Variants in ESRRG observed in about 807,000 individuals in gnomAD.
ESRRG encodes the protein estrogen related receptor gamma.
A neutral mutation model predicts 44.0 loss-of-function variants in ESRRG; 13 were observed. The ratio of observed to expected loss-of-function variants is 0.30; its 90% confidence interval spans 0.19 to 0.47. The LOEUF (loss-of-function observed/expected upper bound fraction) is 0.47, where lower values mean the gene tolerates loss of function less well. ESRRG is among the 20% of genes least tolerant of loss of function. The pLI is 1.00. For missense variants in ESRRG, 395 were observed against 580.6 expected, an observed-to-expected ratio of 0.68 and a Z score of 3.29; for synonymous variants, 215 against 214.6, an observed-to-expected ratio of 1.00 and a Z score of -0.02.
chr1:217,127,990 A>T (rs1344400714), intron 1 of ESRRG, among the ~76,000 whole-genome samples: 1 of 152,218 alleles, frequency 6.6e-6, no homozygotes, highest in Non-Finnish European at 1.5e-5. Flanking sequence ...GGGATCCCTC[A>T]GATGTTTTCA....
At chr1:217,050,868 T>C (rs11585949) in intron 1 of ESRRG, among the ~76,000 whole-genome samples, 17,635 of 152,060 alleles carry the variant, frequency 0.12, 1,202 homozygotes, top group Non-Finnish European at 0.14. Context: ...TTAGAAGACC[T>C]TTCTAGGGCT....
intron 1 of ESRRG, among the ~76,000 whole-genome samples, chr1:216,989,864 A>G (rs1275107114): frequency 1.3e-5 from 2 of 152,108 alleles, no homozygotes; most frequent in Admixed American, 6.6e-5. Flanking sequence ...AGTTGTTGGT[A>G]TGTTTCAATG....
intron 2 of ESRRG, among the ~76,000 whole-genome samples, chr1:216,789,853 T>A (rs2094257165): frequency 6.6e-6 from 1 of 152,160 alleles, no homozygotes; most frequent in Non-Finnish European, 1.5e-5. Context: ...TTCCAGCTCT[T>A]TGGCAGGCAC....
At chr1:216,988,323 C>T (rs2075191181) in intron 1 of ESRRG, among the ~76,000 whole-genome samples, 1 of 152,144 alleles carries the variant, frequency 6.6e-6, no homozygotes. Flanking sequence ...TTAGGTATTC[C>T]ATTATCACTG....
intron 3 of ESRRG, among the ~76,000 whole-genome samples, chr1:216,649,162 T>G (rs1293156309): frequency 6.6e-6 from 1 of 152,138 alleles, no homozygotes. Flanking sequence ...TCTGGCAATT[T>G]CACATAAGTT....
intron 1 of ESRRG, among the ~76,000 whole-genome samples, chr1:217,053,666 G>A (rs1289454280): frequency 6.6e-6 from 1 of 152,122 alleles, no homozygotes; most frequent in African/African-American, 2.4e-5. Context: ...TAATTTGCAT[G>A]GCATGACAAA....
At chr1:216,694,904 A>G (rs1375682755) in intron 1 of ESRRG, among the ~76,000 whole-genome samples, 1 of 152,086 alleles carries the variant, frequency 6.6e-6, no homozygotes, top group Non-Finnish European at 1.5e-5. Context: ...AGCATTTTCC[A>G]TGTATTCACT....
At chr1:217,116,864 G>T (rs183443176) in intron 1 of ESRRG, among the ~76,000 whole-genome samples, 33 of 152,294 alleles carry the variant, frequency 2.2e-4, no homozygotes, top group African/African-American at 7.7e-4. Context: ...TTAAAGGATT[G>T]AGGATAAATT....
At position 216,978,233 on chromosome 1, in the gene ESRRG, A is replaced by T. The variant is rs11572462; in HGVS notation, c.-105-38560T>A. ...CCCACCCTCCAATGCCTACCTTTTT[A>T]AAAAAAAGTTTTATTGGGACACAGC... On this transcript the variant is annotated intron_variant, in intron 1 of 7. Coordinates refer to the ESRRG transcript ENST00000359162. 3.5e-3 allele frequency among the ~76,000 whole-genome samples: 529 copies of T among 152,020 alleles called. 3 individuals carry two copies. Among genetic ancestry groups the T allele is most frequent in the Admixed American group, 0.025 (376 of 15,276 alleles).
At chr1:216,613,006 C>T (rs975561748) in intron 3 of ESRRG, among the ~76,000 whole-genome samples, 1 of 152,130 alleles carries the variant, frequency 6.6e-6, no homozygotes, top group Non-Finnish European at 1.5e-5. Context: ...AAATTTTCAG[C>T]TTTTCGAATT....
intron 1 of ESRRG, among the ~76,000 whole-genome samples, chr1:216,685,494 G>A (rs1447555284): frequency 6.6e-6 from 1 of 152,174 alleles, no homozygotes; most frequent in African/African-American, 2.4e-5. Flanking sequence ...GCACACCAAA[G>A]AGAACTCGAC....
At chr1:217,083,207 C>T (rs1251320418) in intron 1 of ESRRG, among the ~76,000 whole-genome samples, 1 of 152,050 alleles carries the variant, frequency 6.6e-6, no homozygotes, top group African/African-American at 2.4e-5. Flanking sequence ...TTCTGCAAGA[C>T]CAAAAAAACA....
intron 2 of ESRRG, among the ~76,000 whole-genome samples, chr1:216,733,102 T>G (rs2089197669): frequency 6.6e-6 from 1 of 152,102 alleles, no homozygotes; most frequent in African/African-American, 2.4e-5. Flanking sequence ...AACTACCATA[T>G]TTGCTTACAG....
chr1:216,926,418 A>G (rs2062588593), intron 2 of ESRRG, among the ~76,000 whole-genome samples: 1 of 152,126 alleles, frequency 6.6e-6, no homozygotes, highest in Non-Finnish European at 1.5e-5. Context: ...CTATGAAAAA[A>G]AAAAAAAAAA....
chr1:216,662,422 A>G (rs1440195720), intron 2 of ESRRG, among the ~76,000 whole-genome samples: 2 of 152,186 alleles, frequency 1.3e-5, no homozygotes, highest in African/African-American at 2.4e-5. Flanking sequence ...CAGGGAACTC[A>G]GATAGCACTG....
At chr1:216,810,906 C>T (rs2094949947) in intron 2 of ESRRG, among the ~76,000 whole-genome samples, 2 of 150,824 alleles carry the variant, frequency 1.3e-5, no homozygotes, top group East Asian at 3.9e-4. Context: ...TTTAAGTAGC[C>T]TCGCTTTCCA....
At chr1:216,745,736 C>T (rs772543135) in intron 2 of ESRRG, among the ~76,000 whole-genome samples, 8 of 152,114 alleles carry the variant, frequency 5.3e-5, no homozygotes, top group Non-Finnish European at 1.2e-4. Flanking sequence ...AGTTACTTAA[C>T]CTCTCTGTAT....
chr1:216,529,638 TC>T (rs1324350292), intron 5 of ESRRG, among the ~76,000 whole-genome samples: 5 of 152,142 alleles, frequency 3.3e-5, no homozygotes, highest in Non-Finnish European at 7.4e-5. Context: ...ACTTCTGCCT[TC>T]CTTTCTACTT....
chr1:216,613,318 T>G (rs1857406), intron 3 of ESRRG, among the ~76,000 whole-genome samples: 123,287 of 152,074 alleles, frequency 0.81, 50,148 homozygotes, highest in Middle Eastern at 0.84. Flanking sequence ...TCTATTAATT[T>G]TATGAAACCC....
Sources: allele counts gnomAD v4.1 joint callset (sites outside exome capture counted in the v4.1 genomes callset), GRCh38; gene constraint gnomAD v4.1.1; transcripts MANE v1.5; gene names NCBI Gene and HGNC (gene_info 2026-07-23, HGNC 2026-07-21).